AAK1: variants seen among roughly 807,000 people sequenced by gnomAD.
AAK1 encodes the protein AP2-associated protein kinase 1.
A neutral mutation model predicts 116.0 loss-of-function variants in AAK1; 37 were observed. That is an observed-to-expected ratio of 0.32 (90% CI 0.25 to 0.42). The LOEUF (loss-of-function observed/expected upper bound fraction) is 0.42. Among genes scored for constraint, AAK1 ranks in the 10% least tolerant of loss-of-function variants. The probability of loss-of-function intolerance (pLI) is 1.00; values close to 1 mark genes in which losing one functional copy is unlikely to be tolerated. For synonymous variants in AAK1, 458 were observed against 439.9 expected (o/e 1.04, Z -0.51); for missense variants, 919 against 1,170.6 (o/e 0.79, Z 3.14).
chr2:69,519,098 C>T lies in AAK1; in HGVS notation c.1353G>A (p.Gln451=). The T allele has an allele frequency of 6.4e-7, 1 of 1,553,066 alleles. No homozygotes were observed. The highest frequency in any genetic ancestry group is 8.7e-7 in the Non-Finnish European group (1 of 1,147,688). The change falls in exon 12 of 22, where the codon CAG becomes CAA. Residue 451 remains glutamine, a synonymous_variant. Coordinates refer to ENST00000409085, the MANE Select transcript of AAK1 (RefSeq NM_014911.5). ...TGGCCTGGGCCTGAGCGGGCAGACC[C>T]TGGGCCTGAGTAGAAGGCGTCTGCT... is the stretch of plus-strand genomic sequence containing the variant. The part of the protein sequence containing the change: ...TPQQTPSTQA[Q]GLPAQAQATP...
At chr2:69,562,980 C>T (rs1671709415) in intron 2 of AAK1, among the ~76,000 whole-genome samples, 2 of 152,134 alleles carry the variant, frequency 1.3e-5, no homozygotes, top group Non-Finnish European at 2.9e-5. Context: ...AGGAGGATTG[C>T]TTGGGCCCAG....
At chr2:69,533,243 T>C (rs1670329914) in intron 5 of AAK1, among the ~76,000 whole-genome samples, 1 of 152,186 alleles carries the variant, frequency 6.6e-6, no homozygotes, top group South Asian at 2.1e-4. Flanking sequence ...TGGTCTTCTC[T>C]ACCTAGTGCC....
rs116174885 is a variant in AAK1, at chr2:69,615,917, C to T, written c.163+26961G>A. On this transcript the variant is annotated intron_variant, in intron 2 of 21. Transcript: ENST00000409085. ...ACAAGTCTATATCAAAGGTTAAATA[C>T]TAAAATGGTAAATTTTATGTTAAAG... Among the ~76,000 whole-genome samples, 763 of 152,296 alleles carry T rather than the reference C, an allele frequency of 5.0e-3. 5 individuals carry two copies. Among genetic ancestry groups the T allele is most frequent in the African/African-American group, 0.016 (662 of 41,564 alleles).
At chr2:69,567,951 C>T (rs1378975830) in intron 2 of AAK1, among the ~76,000 whole-genome samples, 1 of 152,140 alleles carries the variant, frequency 6.6e-6, no homozygotes, top group Non-Finnish European at 1.5e-5. Flanking sequence ...GCATCCCTTG[C>T]CTAAAGGAAT....
At chr2:69,631,542 A>C (rs746526497) in intron 2 of AAK1, among the ~76,000 whole-genome samples, 1 of 152,246 alleles carries the variant, frequency 6.6e-6, no homozygotes, top group East Asian at 1.9e-4. Flanking sequence ...ACAGAGCCCA[A>C]GGAGAAAACT....
chr2:69,478,869 T>C (rs1310448697), intron 20 of AAK1, 82 bp downstream of exon 20: 2 of 1,183,284 alleles, frequency 1.7e-6, no homozygotes, highest in Non-Finnish European at 2.5e-6. Flanking sequence ...GTAAAGACTT[T>C]TGATAAGAAA....
chr2:69,571,443 G>A (rs1382704177), intron 2 of AAK1, among the ~76,000 whole-genome samples: 2 of 152,134 alleles, frequency 1.3e-5, no homozygotes, highest in Non-Finnish European at 1.5e-5. Context: ...TCCTGCTGTT[G>A]GGTTCTGGGA....
chr2:69,540,718 A>G (rs1670676122), intron 5 of AAK1, among the ~76,000 whole-genome samples: 1 of 152,248 alleles, frequency 6.6e-6, no homozygotes, highest in Non-Finnish European at 1.5e-5. Context: ...TTAAACACAG[A>G]GCTACTATAT....
chr2:69,529,683 C>T (rs1450175152), intron 8 of AAK1, among the ~76,000 whole-genome samples: 1 of 152,170 alleles, frequency 6.6e-6, no homozygotes, highest in Non-Finnish European at 1.5e-5. Context: ...TTTCTTATCA[C>T]TTGATATGAG....
chr2:69,622,439 G>C (rs1030346460), intron 2 of AAK1, among the ~76,000 whole-genome samples: 1 of 152,248 alleles, frequency 6.6e-6, no homozygotes, highest in Non-Finnish European at 1.5e-5. Flanking sequence ...CACGGCACGG[G>C]ACCGGCAAGC....
At chr2:69,559,482 T>C (rs1021418590) in intron 2 of AAK1, among the ~76,000 whole-genome samples, 7 of 152,176 alleles carry the variant, frequency 4.6e-5, no homozygotes, top group African/African-American at 1.7e-4. Context: ...AGGAAAATAG[T>C]AGTGTAAATT....
chr2:69,557,862 C>A (rs941107857), intron 2 of AAK1, among the ~76,000 whole-genome samples: 1 of 152,150 alleles, frequency 6.6e-6, no homozygotes, highest in East Asian at 1.9e-4. Flanking sequence ...TCACTCAATT[C>A]GAATCTAGAA....
At position 69,509,322 on chromosome 2, in the gene AAK1, C is replaced by T. The variant is rs755417415; in HGVS notation, c.1915G>A (p.Val639Ile). The T allele has an allele frequency of 1.3e-5, 21 of 1,613,820 alleles. No individual in the cohort carries two copies. The highest frequency in any genetic ancestry group is 2.2e-5 in the South Asian group (2 of 91,076). ...ACCCCAAAGACTGCACTGTGGGTTA[C>T]GTCACTGAGAATACGCCTGTGCCCA... The part of the protein sequence containing the change: ...RAGHRRILSD[V>I]THSAVFGVPA... Residue 639 changes from valine to isoleucine, a missense_variant, in exon 14 of 22, where the codon GTA becomes ATA. This residue lies in a region of AAK1 where 125 missense variants were observed against 184.1 expected (regional missense o/e 0.68). Transcript: ENST00000409085.
chr2:69,467,744 C>T lies in AAK1; in HGVS notation c.*8125G>A. On this transcript the variant is annotated 3_prime_UTR_variant, in exon 22 of 22. Transcript: ENST00000409085. ...AATTTCTGCCAAAAATTATCCCCTG[C>T]TAAAGTTTCTGCATGAATTAAGCAC... The T allele has an allele frequency of 2.0e-6, 2 of 985,384 alleles. No individual in the cohort carries two copies. Among genetic ancestry groups the T allele is most frequent in the South Asian group, 9.4e-5 (2 of 21,278 alleles). 61.0% of individuals were successfully genotyped at this position (985,384 alleles called of 1,614,324 possible).
chr2:69,599,405 T>C (rs1288804899), intron 2 of AAK1, among the ~76,000 whole-genome samples: 1 of 149,622 alleles, frequency 6.7e-6, no homozygotes, highest in Admixed American at 6.7e-5. Flanking sequence ...AAAACTTCAC[T>C]GAAATTATAC....
intron 2 of AAK1, among the ~76,000 whole-genome samples, chr2:69,609,871 A>T (rs1335780778): frequency 1.3e-5 from 2 of 151,878 alleles, no homozygotes; most frequent in African/African-American, 2.4e-5. Flanking sequence ...AACATGGTGA[A>T]ACCCCATCTC....
intron 3 of AAK1, among the ~76,000 whole-genome samples, chr2:69,554,278 C>G (rs1181587849): frequency 6.6e-6 from 1 of 152,070 alleles, no homozygotes; most frequent in Non-Finnish European, 1.5e-5. Context: ...GATGATAAAA[C>G]AGACACCATT....
chr2:69,594,283 A>T (rs182166786), intron 2 of AAK1, among the ~76,000 whole-genome samples: 1 of 152,336 alleles, frequency 6.6e-6, no homozygotes, highest in Non-Finnish European at 1.5e-5. Context: ...TGGCACCCAC[A>T]TAAGGGCTCT....
chr2:69,616,259 T>A (rs1674322832), intron 2 of AAK1, among the ~76,000 whole-genome samples: 2 of 152,110 alleles, frequency 1.3e-5, no homozygotes, highest in African/African-American at 4.8e-5. Flanking sequence ...GCCGCTTGAG[T>A]AGCAGGAATC....
Sources: allele counts gnomAD v4.1 joint callset (sites outside exome capture counted in the v4.1 genomes callset), GRCh38; gene constraint gnomAD v4.1.1; regional missense constraint gnomAD v4.1.1; transcripts MANE v1.5; gene names NCBI Gene and HGNC (gene_info 2026-07-23, HGNC 2026-07-21).